ACSL5: variants seen among roughly 807,000 people sequenced by gnomAD.
ACSL5 encodes the protein acyl-CoA synthetase long chain family member 5.
In ACSL5, 50 loss-of-function variants were observed where a neutral mutation model predicts 84.9. The ratio of observed to expected loss-of-function variants is 0.59; its 90% CI spans 0.47 to 0.75. The LOEUF (loss-of-function observed/expected upper bound fraction) is 0.75, where lower values mean the gene tolerates loss of function less well. Ranked by LOEUF, ACSL5 falls within the 30% of genes least tolerant of loss-of-function variation. ACSL5 has a pLI of 0.00. For missense variants in ACSL5, 775 were observed against 830.4 expected, an observed-to-expected ratio of 0.93 and a Z score of 0.82; for synonymous variants, 280 against 300.7, an observed-to-expected ratio of 0.93 and a Z score of 0.71.
intron 17 of ACSL5, chr10:112,424,562 T>C (rs1207161919): frequency 6.6e-6 from 1 of 152,238 alleles, no homozygotes; most frequent in Non-Finnish European, 1.5e-5. Context: ...ACCAGGGTTA[T>C]AGAAGGCTGC....
At chr10:112,421,693 G>A (rs575953273) in intron 15 of ACSL5, 28 bp downstream of exon 15, 1 of 1,598,208 alleles carries the variant, frequency 6.3e-7, no homozygotes, top group Admixed American at 1.7e-5. Flanking sequence ...TGGGCAGGAG[G>A]TGCCATGGTT....
At chr10:112,401,824 CTTTCTTTCTTTCTTT>C (rs1564736411) in intron 3 of ACSL5, among the ~76,000 whole-genome samples, 7 of 111,106 alleles carry the variant, frequency 6.3e-5, no homozygotes, top group Non-Finnish European at 1.2e-4. Context: ...TTCTTTCTTT[CTTTCTTTCTTTCTTT>C]CTTCCTTCCT....
At chr10:112,404,096 A>G (rs887659942) in intron 3 of ACSL5, among the ~76,000 whole-genome samples, 1 of 152,230 alleles carries the variant, frequency 6.6e-6, no homozygotes, top group African/African-American at 2.4e-5. Context: ...TTCATATTTT[A>G]ACTTTTTTAT....
At chr10:112,422,143 C>A in intron 16 of ACSL5, 108 bp downstream of exon 16, 3 of 1,318,356 alleles carry the variant, frequency 2.3e-6, no homozygotes, top group Non-Finnish European at 2.2e-6. Context: ...AGATTGTTAG[C>A]AAAGAATTAA....
chr10:112,422,327 C>A lies in ACSL5; in HGVS notation c.1479C>A (p.Val493=), dbSNP rs745569889. 1.2e-6 allele frequency: 2 copies of A among 1,613,394 alleles called. No individual in the cohort carries two copies. Among genetic ancestry groups the A allele is most frequent in the Admixed American group, 3.3e-5 (2 of 59,970 alleles). ...NYFTVNNEGE[V]CIKGTNVFKG... ...CGCCTTGTATGTCTGCTGTGCAGGT[C>A]TGCATCAAGGGTACAAACGTGTTCA... The change falls in exon 17 of 21, where the codon GTC becomes GTA. Residue 493 remains valine (V), a splice_region_variant and synonymous_variant. Transcript: ENST00000354655.
intron 2 of ACSL5, among the ~76,000 whole-genome samples, chr10:112,397,905 T>C (rs894839527): frequency 2.0e-5 from 3 of 152,120 alleles, no homozygotes; most frequent in African/African-American, 7.2e-5. Context: ...CAGTAGAAGT[T>C]TAAACTCGAT....
At chr10:112,410,977 A>C (rs1381338608) in intron 9 of ACSL5, among the ~76,000 whole-genome samples, 1 of 151,906 alleles carries the variant, frequency 6.6e-6, no homozygotes, top group Non-Finnish European at 1.5e-5. Context: ...ATAGTTCTCC[A>C]TAAAGGGCTT....
At chr10:112,382,132 G>A (rs2133564801) in intron 1 of ACSL5, among the ~76,000 whole-genome samples, 1 of 152,290 alleles carries the variant, frequency 6.6e-6, no homozygotes, top group Non-Finnish European at 1.5e-5. Flanking sequence ...CACAGTAGGT[G>A]CTTGAATACC....
chr10:112,423,219 A>ATAT (rs1346350605), intron 17 of ACSL5, among the ~76,000 whole-genome samples: 2 of 13,710 alleles, frequency 1.5e-4, no homozygotes, highest in African/African-American at 4.8e-4. Flanking sequence ...AAAAAAAAAA[A>ATAT]AAATATATAT....
intron 3 of ACSL5, among the ~76,000 whole-genome samples, chr10:112,402,011 G>C (rs1445389748): frequency 1.3e-5 from 2 of 149,242 alleles, no homozygotes; most frequent in East Asian, 2.0e-4. Context: ...TGTTGCCCAG[G>C]CTGGAGTGCA....
At chr10:112,406,951 T>C (rs1844053857) in intron 5 of ACSL5, among the ~76,000 whole-genome samples, 2 of 152,186 alleles carry the variant, frequency 1.3e-5, no homozygotes, top group African/African-American at 4.8e-5. Flanking sequence ...GAGGTTTAAT[T>C]GGACTTACAG....
chr10:112,425,391 A>G lies in ACSL5; in HGVS notation c.1647A>G (p.Gln549=), dbSNP rs1224977324. 6.2e-7 allele frequency: 1 copy of G among 1,613,680 alleles called. No individual in the cohort carries two copies. The highest frequency in any genetic ancestry group is 8.5e-7 in the Non-Finnish European group (1 of 1,179,854). The change falls in exon 18 of 21, where the codon CAA becomes CAG. Residue 549 remains glutamine (Q), a synonymous_variant. Transcript: ENST00000354655. ...AAAAGAACATTTTCAAGCTGGCCCAAGGAGAATACATTGCACCAGAGAAGA... is the reference window on the plus strand; with the variant it reads ...AAAAGAACATTTTCAAGCTGGCCCAGGGAGAATACATTGCACCAGAGAAGA... The part of the protein sequence containing the change: ...DRKKNIFKLA[Q]GEYIAPEKIE...
At chr10:112,421,012 A>T (rs576458873) in intron 14 of ACSL5, among the ~76,000 whole-genome samples, 1 of 151,206 alleles carries the variant, frequency 6.6e-6, no homozygotes, top group East Asian at 2.0e-4. Context: ...ATGAGCCACC[A>T]TGCCTGGCCA....
At chr10:112,423,450 AC>A (rs1440533562) in intron 17 of ACSL5, among the ~76,000 whole-genome samples, 1 of 150,730 alleles carries the variant, frequency 6.6e-6, no homozygotes, top group Non-Finnish European at 1.5e-5. Flanking sequence ...TCTTGCCTTG[AC>A]CTCCCAAAGT....
chr10:112,382,734 C>T (rs145222186), intron 1 of ACSL5, among the ~76,000 whole-genome samples: 466 of 152,328 alleles, frequency 3.1e-3, no homozygotes, highest in Middle Eastern at 0.024. Flanking sequence ...AGACTCTTAA[C>T]CCTTTCTCTG....
chr10:112,383,813 T>TTC (rs963449809), intron 1 of ACSL5, among the ~76,000 whole-genome samples: 2 of 1,560 alleles, frequency 1.3e-3, no homozygotes, highest in African/African-American at 8.3e-3. Flanking sequence ...CATTTTATTC[T>TTC]TTTTTTTTGT....
chr10:112,404,394 C>G (rs1843981393), intron 3 of ACSL5, 117 bp from the exon 4 acceptor site: 1 of 737,252 alleles, frequency 1.4e-6, no homozygotes, highest in African/African-American at 1.8e-5. Flanking sequence ...ATAATAGAAG[C>G]TCAAATCCTT....
chr10:112,422,198 A>C, intron 16 of ACSL5, 127 bp from the exon 17 acceptor site: 1 of 1,077,356 alleles, frequency 9.3e-7, no homozygotes, highest in South Asian at 1.4e-5. Context: ...GGAGACTTAG[A>C]TCTGGTGCTC....
chr10:112,399,922 C>A (rs1843838212), intron 3 of ACSL5, among the ~76,000 whole-genome samples: 1 of 152,180 alleles, frequency 6.6e-6, no homozygotes, highest in South Asian at 2.1e-4. Context: ...AATGTCAGAG[C>A]TGATAGGAAA....
Sources: allele counts gnomAD v4.1 joint callset (sites outside exome capture counted in the v4.1 genomes callset), GRCh38; gene constraint gnomAD v4.1.1; transcripts MANE v1.5; gene names NCBI Gene and HGNC (gene_info 2026-07-23, HGNC 2026-07-21).